The following WDR7 variants were observed in gnomAD, a reference collection of about 807,000 sequenced individuals.
WDR7 encodes the protein WD repeat-containing protein 7.
A neutral mutation model predicts 169.4 loss-of-function variants in WDR7; 46 were observed. The observed-to-expected ratio is 0.27, with a 90% CI of 0.21 to 0.35. The LOEUF is 0.35. WDR7 is among the 10% of genes least tolerant of loss of function. The probability of loss-of-function intolerance (pLI) is 1.00; values close to 1 mark genes in which losing one functional copy is unlikely to be tolerated. For missense variants in WDR7, 1,534 were observed against 1,859.3 expected, an observed-to-expected ratio of 0.83 and a Z score of 3.22; for synonymous variants, 612 against 666.8, an observed-to-expected ratio of 0.92 and a Z score of 1.27.
chr18:56,920,185 T>A (rs1183164228), intron 21 of WDR7, among the ~76,000 whole-genome samples: 1 of 152,144 alleles, frequency 6.6e-6, no homozygotes, highest in Non-Finnish European at 1.5e-5. Flanking sequence ...TGCTCTTTCC[T>A]CTGCCTGGAA....
At chr18:56,873,640 A>G (rs958685322) in intron 20 of WDR7, 6 of 152,322 alleles carry the variant, frequency 3.9e-5, no homozygotes, top group East Asian at 1.9e-4. Context: ...TGCCTTGCCT[A>G]TTGATCAGTA....
intron 21 of WDR7, among the ~76,000 whole-genome samples, chr18:56,901,252 A>G (rs191599915): frequency 1.7e-4 from 26 of 152,280 alleles, no homozygotes; most frequent in Admixed American, 1.5e-3. Flanking sequence ...AAAAATAATA[A>G]TGCTAATTAT....
At chr18:57,021,576 CTA>C (rs2145941688) in intron 27 of WDR7, among the ~76,000 whole-genome samples, 1 of 152,238 alleles carries the variant, frequency 6.6e-6, no homozygotes, top group East Asian at 1.9e-4. Flanking sequence ...ATGAGAATGC[CTA>C]TGTTTAGTTC....
intron 26 of WDR7, among the ~76,000 whole-genome samples, chr18:56,981,347 A>G (rs2047641869): frequency 6.6e-6 from 1 of 152,202 alleles, no homozygotes; most frequent in Non-Finnish European, 1.5e-5. Context: ...CCTAACAAGT[A>G]TTCAGCTATA....
intron 17 of WDR7, 94 bp from the exon 18 acceptor site, chr18:56,779,337 C>A (rs1169287101): frequency 3.0e-5 from 26 of 879,796 alleles, no homozygotes; most frequent in Non-Finnish European, 1.5e-5. Context: ...GCAGATCTGC[C>A]TTTTTTTGTT....
intron 12 of WDR7, among the ~76,000 whole-genome samples, chr18:56,713,308 C>T (rs974354320): frequency 7.2e-5 from 11 of 152,150 alleles, no homozygotes; most frequent in Non-Finnish European, 1.5e-4. Flanking sequence ...TGTGAAGTTA[C>T]TCACATTAAT....
chr18:57,028,804 A>T lies in WDR7; in HGVS notation c.*1597A>T, dbSNP rs928115502. ...TGTTATTTCCATTGACGGCAAATCT[A>T]TACTGTTCCTTGGTTTTAGAGTTGG... is the stretch of plus-strand genomic sequence containing the variant. On this transcript the variant is annotated 3_prime_UTR_variant, in exon 28 of 28. Coordinates refer to ENST00000254442, the MANE Select transcript of WDR7 (RefSeq NM_015285.3). 6.5e-6 allele frequency: 1 copy of T among 152,676 alleles called. No individual in the cohort carries two copies. Among genetic ancestry groups the T allele is most frequent in the Admixed American group, 6.5e-5 (1 of 15,284 alleles). 9.5% of individuals were successfully genotyped at this position (152,676 alleles called of 1,614,324 possible). A position where few individuals can be genotyped will look rare whatever the true frequency, so the allele number is the denominator to read the frequency against.
At chr18:56,846,580 A>G (rs2045571699) in intron 20 of WDR7, among the ~76,000 whole-genome samples, 1 of 152,152 alleles carries the variant, frequency 6.6e-6, no homozygotes, top group South Asian at 2.1e-4. Context: ...TCCCAGTTTC[A>G]AGTAATCTTT....
intron 17 of WDR7, 50 bp downstream of exon 17, chr18:56,776,930 G>A (rs2044251261): frequency 6.7e-7 from 1 of 1,484,630 alleles, no homozygotes. Flanking sequence ...GCTTTATTCT[G>A]ACAGACATGT....
At chr18:56,731,260 T>A (rs1455767932) in intron 13 of WDR7, 123 bp from the exon 14 acceptor site, 6 of 1,114,902 alleles carry the variant, frequency 5.4e-6, no homozygotes, top group Non-Finnish European at 7.5e-6. Flanking sequence ...CAAAAAAAAA[T>A]TTCCAGGAGG....
chr18:56,871,537 T>G (rs914575730), intron 20 of WDR7, among the ~76,000 whole-genome samples: 1 of 152,132 alleles, frequency 6.6e-6, no homozygotes, highest in African/African-American at 2.4e-5. Context: ...AAATTATCTT[T>G]GTACACGTAT....
In WDR7 at chr18:57,005,563, T is replaced by A. The variant is rs185529026; in HGVS notation, c.4165-15182T>A. On this transcript the variant is annotated intron_variant, in intron 26 of 27. Coordinates refer to ENST00000254442, the MANE Select transcript of WDR7 (RefSeq NM_015285.3). ...AGCCAGTGACTTATGGTGGTTCTTC[T>A]GAGGGATGGGATTTGATGAGTAAGT... Among the ~76,000 whole-genome samples the A allele has an allele frequency of 2.1e-3, 325 of 152,326 alleles. 2 individuals carry two copies. Among genetic ancestry groups the A allele is most frequent in the African/African-American group, 7.5e-3 (311 of 41,576 alleles).
chr18:56,768,645 AT>A lies in WDR7; in HGVS notation c.2849-8131del, dbSNP rs563648423. On this transcript the variant is annotated intron_variant, in intron 16 of 27. Transcript: ENST00000254442. Reference sequence around the variant, plus strand: ...CTAATATTTCAGCAGTTAGAGCATTATTTTTTCATCTTTCTACTTTGGCTTT... The same window carrying A: ...CTAATATTTCAGCAGTTAGAGCATTATTTTTCATCTTTCTACTTTGGCTTT... Among the ~76,000 whole-genome samples the A allele has an allele frequency of 9.5e-4, 144 of 152,078 alleles. 1 individual carries two copies. The highest frequency in any genetic ancestry group is 3.4e-3 in the African/African-American group (140 of 41,498).
chr18:56,928,334 G>A (rs926802603), intron 22 of WDR7, among the ~76,000 whole-genome samples: 4 of 152,096 alleles, frequency 2.6e-5, no homozygotes, highest in South Asian at 2.1e-4. Flanking sequence ...GCATGGTGCC[G>A]TGTACCTGTA....
intron 20 of WDR7, among the ~76,000 whole-genome samples, chr18:56,842,615 T>C (rs1192460020): frequency 6.7e-6 from 1 of 149,298 alleles, no homozygotes; most frequent in African/African-American, 2.6e-5. Context: ...TTCGTAGTAC[T>C]TCGGTATAGC....
intron 21 of WDR7, among the ~76,000 whole-genome samples, chr18:56,918,639 T>C (rs1236457295): frequency 6.6e-6 from 1 of 152,162 alleles, no homozygotes; most frequent in Non-Finnish European, 1.5e-5. Flanking sequence ...CTCCTTTACA[T>C]TGAATAAATA....
intron 25 of WDR7, among the ~76,000 whole-genome samples, chr18:56,948,231 T>C (rs2047133554): frequency 6.6e-6 from 1 of 152,138 alleles, no homozygotes; most frequent in Non-Finnish European, 1.5e-5. Flanking sequence ...TTCCCCTTCA[T>C]TTCTTTTATA....
chr18:56,751,919 T>A (rs1478015061), intron 14 of WDR7, among the ~76,000 whole-genome samples: 1 of 152,240 alleles, frequency 6.6e-6, no homozygotes, highest in Non-Finnish European at 1.5e-5. Flanking sequence ...TGCATACTTT[T>A]ATCTTCCCTC....
chr18:56,977,968 C>T (rs560434211), intron 26 of WDR7, among the ~76,000 whole-genome samples: 42 of 152,304 alleles, frequency 2.8e-4, no homozygotes, highest in Non-Finnish European at 5.0e-4. Context: ...TACAAGGACA[C>T]AGCAGTAACT....
Sources: gnomAD v4.1 joint callset for allele counts (sites outside exome capture counted in the v4.1 genomes callset) on GRCh38, gnomAD v4.1.1 for gene constraint, MANE v1.5 for transcripts, NCBI Gene and HGNC (gene_info 2026-07-23, HGNC 2026-07-21) for gene names.